The following PLXNC1 variants were observed in gnomAD, a reference collection of about 807,000 sequenced individuals.
PLXNC1 encodes the protein plexin-C1.
Under a neutral mutation model 178.2 loss-of-function variants are expected in PLXNC1, and 75 were observed. The ratio of observed to expected loss-of-function variants is 0.42; its 90% CI spans 0.35 to 0.51. The LOEUF (loss-of-function observed/expected upper bound fraction) is 0.51, where lower values mean the gene tolerates loss of function less well. PLXNC1 is among the 20% of genes least tolerant of loss of function. The pLI is 0.02. For missense variants in PLXNC1, 1,503 were observed against 1,984.4 expected (o/e 0.76, Z 4.61); for synonymous variants, 790 against 779.9 (o/e 1.01, Z -0.22).
intron 1 of PLXNC1, among the ~76,000 whole-genome samples, chr12:94,161,731 A>G (rs1037368379): frequency 1.3e-5 from 2 of 152,206 alleles, no homozygotes; most frequent in Non-Finnish European, 1.5e-5. Context: ...TCAATGAGCT[A>G]TGGATGTGAA....
rs1269266539 is a variant in PLXNC1, at chr12:94,209,080, A to C, written c.1440-510A>C. ...ATTCTTAGGCAGACTCTGCCCTTGA[A>C]ATTTTTCTATTTAATTATCATACTG... On this transcript the variant is annotated intron_variant, in intron 4 of 30. Coordinates refer to ENST00000258526, the MANE Select transcript of PLXNC1 (RefSeq NM_005761.3). Among the ~76,000 whole-genome samples the C allele has an allele frequency of 2.0e-5, 3 of 152,220 alleles. No homozygotes were observed. In the East Asian group the frequency reaches 5.8e-4, roughly 29 times the overall value.
At chr12:94,245,135 G>C (rs184067307) in intron 12 of PLXNC1, among the ~76,000 whole-genome samples, 9 of 152,190 alleles carry the variant, frequency 5.9e-5, no homozygotes, top group Non-Finnish European at 1.0e-4. Context: ...GCCTCACACT[G>C]TATCTGACTC....
chr12:94,268,616 T>TTTTTTTTTTTTTTG (rs1965391711), intron 21 of PLXNC1, among the ~76,000 whole-genome samples: 1 of 130,184 alleles, frequency 7.7e-6, no homozygotes, highest in East Asian at 2.2e-4. Context: ...TTTTTTTAAT[T>TTTTTTTTTTTTTTG]TAAGGAATAC....
At chr12:94,200,358 G>T (rs532471890) in intron 4 of PLXNC1, among the ~76,000 whole-genome samples, 8 of 152,250 alleles carry the variant, frequency 5.3e-5, no homozygotes, top group African/African-American at 1.9e-4. Context: ...CCTAATATTT[G>T]TCCTGTTCCC....
At chr12:94,168,305 C>G (rs1961701956) in intron 1 of PLXNC1, 4 of 152,204 alleles carry the variant, frequency 2.6e-5, no homozygotes, top group Admixed American at 6.5e-5. Context: ...GTAACAAACT[C>G]AGTTTCCTGT....
intron 5 of PLXNC1, among the ~76,000 whole-genome samples, chr12:94,218,537 C>A (rs1963707449): frequency 6.6e-6 from 1 of 152,172 alleles, no homozygotes; most frequent in South Asian, 2.1e-4. Context: ...CCCATCAGAT[C>A]CCATCATGCG....
intron 4 of PLXNC1, among the ~76,000 whole-genome samples, chr12:94,204,231 A>G (rs948331615): frequency 6.6e-6 from 1 of 152,208 alleles, no homozygotes; most frequent in African/African-American, 2.4e-5. Flanking sequence ...ACAGGCTTTG[A>G]GGCTACACTG....
At chr12:94,289,361 G>A (rs1241174672) in intron 23 of PLXNC1, among the ~76,000 whole-genome samples, 2 of 152,172 alleles carry the variant, frequency 1.3e-5, no homozygotes, top group East Asian at 3.9e-4. Flanking sequence ...GAGGGGAATC[G>A]CTTGTTGTCA....
chr12:94,276,439 G>A (rs1375296141), intron 21 of PLXNC1, among the ~76,000 whole-genome samples: 1 of 151,812 alleles, frequency 6.6e-6, no homozygotes, highest in Non-Finnish European at 1.5e-5. Context: ...GGTTTCTGGA[G>A]GGTCAGGAGG....
chr12:94,181,878 A>G (rs1370290481), intron 3 of PLXNC1, among the ~76,000 whole-genome samples: 6 of 152,144 alleles, frequency 3.9e-5, no homozygotes, highest in African/African-American at 1.2e-4. Flanking sequence ...AACTGAATTT[A>G]CACATTTATT....
intron 9 of PLXNC1, among the ~76,000 whole-genome samples, chr12:94,237,051 G>T (rs1964262252): frequency 6.6e-6 from 1 of 152,138 alleles, no homozygotes; most frequent in Non-Finnish European, 1.5e-5. Flanking sequence ...ATTGAAACTG[G>T]GTAGCAAGAA....
intron 18 of PLXNC1, 86 bp from the exon 19 acceptor site, chr12:94,259,524 T>G: frequency 8.3e-7 from 1 of 1,197,710 alleles, no homozygotes; most frequent in Non-Finnish European, 1.2e-6. Context: ...ATTCATTGTC[T>G]TGGAAAACCC....
chr12:94,237,759 C>T lies in PLXNC1; in HGVS notation c.2076C>T (p.Asn692=). The T allele has an allele frequency of 6.2e-7, 1 of 1,613,936 alleles. No individual in the cohort carries two copies. Among genetic ancestry groups the T allele is most frequent in the East Asian group, 2.2e-5 (1 of 44,872 alleles). The part of the protein sequence containing the change: ...VTGANFTRAS[N]ITMILKGTST... ...GAGCAAACTTTACCCGGGCATCGAACATCACAATGATCCTGAAAGGAACCA... is the reference window on the plus strand; with the variant it reads ...GAGCAAACTTTACCCGGGCATCGAATATCACAATGATCCTGAAAGGAACCA... The change falls in exon 10 of 31, where the codon AAC becomes AAT. Residue 692 remains asparagine (N), a synonymous_variant. Transcript: ENST00000258526.
In PLXNC1 at chr12:94,149,839, G is replaced by A; in HGVS notation, c.868G>A (p.Gly290Ser). The change falls in exon 1 of 31, where the codon GGC becomes AGC. Residue 290 changes from glycine (G) to serine (S), a missense_variant. Coordinates refer to ENST00000258526, the MANE Select transcript of PLXNC1 (RefSeq NM_005761.3). Reference sequence around the variant, plus strand: ...CGACTGCGGCCACGGCCACCCCGACGGCCGCCGCCTGCTCCTCTCCTCCAG... The same window carrying A: ...CGACTGCGGCCACGGCCACCCCGACAGCCGCCGCCTGCTCCTCTCCTCCAG... ...SLDCGHGHPD[G>S]RRLLLSSSLV... 1 of 1,589,556 alleles carries A rather than the reference G, an allele frequency of 6.3e-7. No individual in the cohort carries two copies. Among genetic ancestry groups the A allele is most frequent in the Non-Finnish European group, 8.6e-7 (1 of 1,169,144 alleles).
At chr12:94,181,407 A>G (rs544575645) in intron 2 of PLXNC1, 39 bp from the exon 3 acceptor site, 1 of 1,348,914 alleles carries the variant, frequency 7.4e-7, no homozygotes, top group African/African-American at 1.5e-5. Context: ...AAAAGTATTA[A>G]ATAGAAATCA....
chr12:94,265,958 T>G (rs145965385), intron 21 of PLXNC1, among the ~76,000 whole-genome samples: 2 of 152,336 alleles, frequency 1.3e-5, no homozygotes, highest in African/African-American at 4.8e-5. Context: ...ATTAGGAATT[T>G]TCTATGCTTT....
chr12:94,151,410 A>G (rs751012833), intron 1 of PLXNC1, among the ~76,000 whole-genome samples: 60 of 152,340 alleles, frequency 3.9e-4, no homozygotes, highest in Non-Finnish European at 7.2e-4. Flanking sequence ...GCTGGGACAC[A>G]CACATTAAGG....
intron 4 of PLXNC1, among the ~76,000 whole-genome samples, chr12:94,198,605 C>T (rs1322029297): frequency 6.6e-6 from 1 of 152,174 alleles, no homozygotes; most frequent in Admixed American, 6.5e-5. Flanking sequence ...ACAAATTTAT[C>T]GTCTCCCAGT....
chr12:94,186,262 T>G, intron 3 of PLXNC1, 111 bp from the exon 4 acceptor site: 1 of 711,490 alleles, frequency 1.4e-6, no homozygotes, highest in Non-Finnish European at 2.6e-6. Context: ...ATGGAGGTGT[T>G]GAGTTCAAGT....
Sources: allele counts gnomAD v4.1 joint callset (sites outside exome capture counted in the v4.1 genomes callset), GRCh38; gene constraint gnomAD v4.1.1; transcripts MANE v1.5; gene names NCBI Gene and HGNC (gene_info 2026-07-23, HGNC 2026-07-21).